PCGF5: variants seen among roughly 807,000 people sequenced by gnomAD.
PCGF5 encodes polycomb group RING finger protein 5.
A neutral mutation model predicts 44.3 loss-of-function variants in PCGF5; 9 were observed. The ratio of observed to expected loss-of-function variants is 0.20; its 90% CI spans 0.12 to 0.35. The LOEUF is 0.35. PCGF5 is among the 10% of genes least tolerant of loss of function. The probability of loss-of-function intolerance (pLI) is 1.00; values close to 1 mark genes in which losing one functional copy is unlikely to be tolerated. For synonymous variants in PCGF5, 95 were observed against 102.5 expected (o/e 0.93, Z 0.44); for missense variants, 146 against 305.3 (o/e 0.48, Z 3.89).
intron 9 of PCGF5, among the ~76,000 whole-genome samples, chr10:91,276,835 A>T (rs1846328149): frequency 6.6e-6 from 1 of 152,190 alleles, no homozygotes; most frequent in Non-Finnish European, 1.5e-5. Context: ...AGTGAAGGGC[A>T]AGCTGTGGGT....
chr10:91,253,363 CTGT>C (rs1845667425), intron 6 of PCGF5, among the ~76,000 whole-genome samples: 1 of 151,814 alleles, frequency 6.6e-6, no homozygotes, highest in Non-Finnish European at 1.5e-5. Flanking sequence ...GGCCTCATGT[CTGT>C]TGTTCTCTTC....
intron 8 of PCGF5, among the ~76,000 whole-genome samples, chr10:91,267,833 T>C (rs1443401284): frequency 6.6e-6 from 1 of 152,180 alleles, no homozygotes; most frequent in Non-Finnish European, 1.5e-5. Flanking sequence ...GTCTACCTAT[T>C]GGCTAACTAG....
At chr10:91,234,321 T>G (rs1371123276) in intron 2 of PCGF5, among the ~76,000 whole-genome samples, 1 of 152,158 alleles carries the variant, frequency 6.6e-6, no homozygotes, top group Non-Finnish European at 1.5e-5. Context: ...TAACATAAAT[T>G]AAACATAAAG....
At chr10:91,275,770 G>A (rs891892961) in intron 9 of PCGF5, among the ~76,000 whole-genome samples, 8 of 152,064 alleles carry the variant, frequency 5.3e-5, no homozygotes, top group African/African-American at 1.7e-4. Context: ...CCTTCTTGAA[G>A]ACCAGTGTAA....
At chr10:91,181,031 GT>G (rs1843808443) in intron 1 of PCGF5, among the ~76,000 whole-genome samples, 1 of 152,048 alleles carries the variant, frequency 6.6e-6, no homozygotes, top group Non-Finnish European at 1.5e-5. Context: ...TTAAGCAGTG[GT>G]TTGTTGTTCT....
intron 8 of PCGF5, 140 bp downstream of exon 8, chr10:91,264,660 C>G: frequency 3.3e-6 from 2 of 615,036 alleles, no homozygotes; most frequent in Non-Finnish European, 5.6e-6. Context: ...ACTGTTTCTC[C>G]TAGCACTCTG....
intron 3 of PCGF5, among the ~76,000 whole-genome samples, chr10:91,242,564 C>T (rs1281564308): frequency 6.6e-6 from 1 of 152,098 alleles, no homozygotes; most frequent in Non-Finnish European, 1.5e-5. Context: ...ATCAAACCCG[C>T]TCCCTTGGCT....
chr10:91,224,879 A>G (rs182187445), intron 2 of PCGF5, among the ~76,000 whole-genome samples: 1 of 152,144 alleles, frequency 6.6e-6, no homozygotes, highest in Non-Finnish European at 1.5e-5. Flanking sequence ...CTAGAGTTAT[A>G]TTCTACTTCC....
intron 1 of PCGF5, among the ~76,000 whole-genome samples, chr10:91,207,740 G>T (rs1385898784): frequency 1.3e-5 from 2 of 152,122 alleles, no homozygotes; most frequent in Non-Finnish European, 2.9e-5. Flanking sequence ...TTCAAAAAGT[G>T]TAGGCCATTT....
intron 2 of PCGF5, among the ~76,000 whole-genome samples, chr10:91,236,327 A>T (rs953343910): frequency 6.6e-6 from 1 of 152,168 alleles, no homozygotes; most frequent in Non-Finnish European, 1.5e-5. Context: ...ACTATAATCC[A>T]TACAGAGTCC....
chr10:91,171,829 G>A lies in PCGF5; in HGVS notation c.-184+8748G>A, dbSNP rs184526396. Among the ~76,000 whole-genome samples, 14 of 152,234 alleles carry A rather than the reference G, an allele frequency of 9.2e-5. No individual in the cohort carries two copies. In the East Asian group the frequency reaches 2.7e-3, roughly 29 times the overall value. On this transcript the variant is annotated intron_variant, in intron 1 of 9. Transcript: ENST00000614189. Reference sequence around the variant, plus strand: ...AGCTTGGGGATGTTGAGTGACACAGGCCAATGGAGGTAGAAGATCATTGGT... The same window carrying A: ...AGCTTGGGGATGTTGAGTGACACAGACCAATGGAGGTAGAAGATCATTGGT...
At chr10:91,238,144 T>A (rs966700854) in intron 2 of PCGF5, among the ~76,000 whole-genome samples, 1 of 152,232 alleles carries the variant, frequency 6.6e-6, no homozygotes, top group African/African-American at 2.4e-5. Context: ...ATTTTATACT[T>A]ACATTACATC....
chr10:91,265,464 A>G (rs1293593373), intron 8 of PCGF5, among the ~76,000 whole-genome samples: 2 of 152,156 alleles, frequency 1.3e-5, no homozygotes, highest in African/African-American at 2.4e-5. Context: ...ATGATACAAT[A>G]TGCCATACTC....
At chr10:91,216,493 A>G (rs547461154), upstream of PCGF5, among the ~76,000 whole-genome samples, 2 of 152,346 alleles carry the variant, frequency 1.3e-5, no homozygotes, top group South Asian at 4.1e-4. Context: ...TTTGGGCATT[A>G]TTCTAGAAAT....
chr10:91,255,187 G>A (rs1400753521), intron 6 of PCGF5, among the ~76,000 whole-genome samples: 1 of 152,070 alleles, frequency 6.6e-6, no homozygotes, highest in Non-Finnish European at 1.5e-5. Flanking sequence ...GGGGAAAGGG[G>A]CATTTGTCAA....
chr10:91,212,434 C>A (rs1030222517), intron 1 of PCGF5, among the ~76,000 whole-genome samples: 3 of 152,172 alleles, frequency 2.0e-5, no homozygotes, highest in Non-Finnish European at 2.9e-5. Context: ...TTTGGAGTGT[C>A]TCTTAATAGT....
intron 5 of PCGF5, among the ~76,000 whole-genome samples, chr10:91,250,405 G>A (rs1845594751): frequency 6.6e-6 from 1 of 151,512 alleles, no homozygotes; most frequent in Middle Eastern, 3.2e-3. Context: ...AATCGTCCCT[G>A]CTTCACTCCC....
At chr10:91,225,185 A>T (rs923194762) in intron 2 of PCGF5, among the ~76,000 whole-genome samples, 4 of 148,700 alleles carry the variant, frequency 2.7e-5, no homozygotes, top group East Asian at 3.9e-4. Flanking sequence ...CTTATAAGCA[A>T]AGGGATATAT....
chr10:91,164,271 A>G (rs12264135), intron 1 of PCGF5, among the ~76,000 whole-genome samples: 2,567 of 151,964 alleles, frequency 0.017, 84 homozygotes, highest in African/African-American at 0.059. Flanking sequence ...GCCCGGAGGG[A>G]CGGGGGAGAC....
Sources: allele counts gnomAD v4.1 joint callset (sites outside exome capture counted in the v4.1 genomes callset), GRCh38; gene constraint gnomAD v4.1.1; transcripts MANE v1.5; gene names NCBI Gene and HGNC (gene_info 2026-07-23, HGNC 2026-07-21).